Variants in KCNIP2 observed in about 807,000 individuals in gnomAD.
KCNIP2 encodes A-type potassium channel modulatory protein KCNIP2.
In KCNIP2, 19 loss-of-function variants were observed where a neutral mutation model predicts 39.0. The ratio of observed to expected loss-of-function variants is 0.49; its 90% CI spans 0.34 to 0.71. The LOEUF is 0.71. Among genes scored for constraint, KCNIP2 ranks in the 30% least tolerant of loss-of-function variants. The pLI is 0.01. For missense variants in KCNIP2, 261 were observed against 346.0 expected, an observed-to-expected ratio of 0.75 and a Z score of 1.95; for synonymous variants, 111 against 131.2, an observed-to-expected ratio of 0.85 and a Z score of 1.05.
In KCNIP2 at chr10:101,828,422, A is replaced by T. The variant is rs763269682; in HGVS notation, c.456T>A (p.Phe152Leu). The T allele has an allele frequency of 4.3e-6, 7 of 1,614,042 alleles. No individual in the cohort carries two copies. The highest frequency in any genetic ancestry group is 1.3e-5 in the African/African-American group (1 of 74,924). Residue 152 changes from phenylalanine (F) to leucine (L), a missense_variant, in exon 6 of 10, where the codon TTT (phenylalanine) becomes TTA (leucine). Phe to Leu is a conservative substitution (Grantham distance 22). Coordinates refer to ENST00000356640, the MANE Select transcript of KCNIP2 (RefSeq NM_173191.3). This position sits in a 1 kb window ranked among gnomAD's most constrained non-coding sequence, Gnocchi z 6.6. ...STYATFLFNA[F>L]DTNHDGSVSF... ...TGACCGAGCCATCATGGTTGGTGTC[A>T]AAGGCATTGAAGAGAAAAGTGGCAT...
At chr10:101,832,062 C>G (rs2066007406) in intron 1 of KCNIP2, among the ~76,000 whole-genome samples, 1 of 152,226 alleles carries the variant, frequency 6.6e-6, no homozygotes, top group Non-Finnish European at 1.5e-5. Context: ...TCCTCATCAG[C>G]TAACTCATCT....
chr10:101,843,772 G>A lies in KCNIP2; in HGVS notation c.-204C>T. 2.7e-6 allele frequency: 1 copy of A among 375,322 alleles called. No individual in the cohort carries two copies. 23.2% of individuals were successfully genotyped at this position (375,322 alleles called of 1,614,324 possible). A position where few individuals can be genotyped will look rare whatever the true frequency, so the allele number is the denominator to read the frequency against. ...GGAGAGGGAACACTAGGCAGCAGGT[G>A]AGCGCAGAGCCGGAGGCAGAGCGGA... On this transcript the variant is annotated 5_prime_UTR_variant, in exon 1 of 10. Coordinates refer to ENST00000356640, the MANE Select transcript of KCNIP2 (RefSeq NM_173191.3). This position sits in a 1 kb window ranked among gnomAD's most constrained non-coding sequence, Gnocchi z 6.7.
At chr10:101,836,935 T>C (rs2066179831) in intron 1 of KCNIP2, among the ~76,000 whole-genome samples, 1 of 151,672 alleles carries the variant, frequency 6.6e-6, no homozygotes, top group African/African-American at 2.4e-5. Context: ...CACTCCAGCC[T>C]GAGCAACAGA....
At chr10:101,827,618 A>C (rs778052779) in intron 9 of KCNIP2, 71 bp downstream of exon 9, 3 of 1,549,132 alleles carry the variant, frequency 1.9e-6, no homozygotes, top group Non-Finnish European at 2.7e-6. Context: ...CTTCCCAAAG[A>C]AGCTTTTCCC....
chr10:101,839,989 T>G, intron 1 of KCNIP2: 1 of 419,652 alleles, frequency 2.4e-6, no homozygotes, highest in Non-Finnish European at 3.7e-6. Flanking sequence ...TCCCATGTTC[T>G]CCTGGCCGCA....
intron 1 of KCNIP2, among the ~76,000 whole-genome samples, chr10:101,833,027 T>C (rs2066046161): frequency 6.8e-6 from 1 of 147,566 alleles, no homozygotes; most frequent in African/African-American, 2.5e-5. Context: ...GGATGGAGGG[T>C]GAGCTAGGAG....
At chr10:101,832,645 G>A (rs2066034195) in intron 1 of KCNIP2, among the ~76,000 whole-genome samples, 1 of 152,092 alleles carries the variant, frequency 6.6e-6, no homozygotes, top group Non-Finnish European at 1.5e-5. Context: ...GGGATCGATG[G>A]CATTCCTGGC....
At chr10:101,837,918 C>G (rs1414272511) in intron 1 of KCNIP2, among the ~76,000 whole-genome samples, 1 of 152,250 alleles carries the variant, frequency 6.6e-6, no homozygotes, top group Non-Finnish European at 1.5e-5. Flanking sequence ...CTACTGATAA[C>G]TTGCAGCCAG....
At chr10:101,832,357 G>A (rs2066025322) in intron 1 of KCNIP2, among the ~76,000 whole-genome samples, 2 of 148,128 alleles carry the variant, frequency 1.4e-5, no homozygotes, top group Admixed American at 1.3e-4. Flanking sequence ...TCTCCCAGCT[G>A]CACTGCATCC....
chr10:101,839,500 C>T (rs2135201587), intron 1 of KCNIP2, among the ~76,000 whole-genome samples: 1 of 152,290 alleles, frequency 6.6e-6, no homozygotes, highest in Admixed American at 6.5e-5. Flanking sequence ...CCCGCCCCCT[C>T]CACCATTGTG....
chr10:101,828,184 A>G lies in KCNIP2; in HGVS notation c.564T>C (p.Tyr188=), dbSNP rs1188505626. 3 of 1,614,064 alleles carry G rather than the reference A, an allele frequency of 1.9e-6. No homozygotes were observed. The South Asian group carries it at 3.3e-5, about 18-fold the overall frequency. The part of the protein sequence containing the change: ...DDRLNWAFNL[Y]DLNKDGCITK... ...TGATGCAGCCGTCCTTGTTAAGGTC[A>G]TACAGGTTGAAGGCCCAATTAAGCC... Residue 188 remains tyrosine, a synonymous_variant, in exon 7 of 10, where the codon TAT becomes TAC. Transcript: ENST00000356640. The surrounding 1 kb of genome is among the most constrained non-coding windows in gnomAD (Gnocchi z 6.6).
intron 1 of KCNIP2, among the ~76,000 whole-genome samples, chr10:101,842,781 G>A (rs1020378000): frequency 2.0e-5 from 3 of 152,264 alleles, no homozygotes; most frequent in South Asian, 2.1e-4. Context: ...GATGAGACAC[G>A]TCATAGACAC....
chr10:101,841,860 G>C (rs533422365), intron 1 of KCNIP2, among the ~76,000 whole-genome samples: 2 of 152,322 alleles, frequency 1.3e-5, no homozygotes, highest in East Asian at 3.9e-4. Context: ...AAGGCCCCTA[G>C]GCCCTTACTA....
chr10:101,827,493 G>A (rs2065780681), intron 9 of KCNIP2, 93 bp from the exon 10 acceptor site: 17 of 1,427,306 alleles, frequency 1.2e-5, no homozygotes, highest in Non-Finnish European at 1.5e-5. Context: ...CACAGACGGG[G>A]ACATTCAAAA....
chr10:101,840,992 G>A (rs1379834591), intron 1 of KCNIP2, among the ~76,000 whole-genome samples: 1 of 152,362 alleles, frequency 6.6e-6, no homozygotes, highest in African/African-American at 2.4e-5. Context: ...AGACAGGGCC[G>A]CTGCTAAACG....
At chr10:101,829,947 A>G in intron 2 of KCNIP2, 50 bp from the exon 3 acceptor site, 1 of 1,538,898 alleles carries the variant, frequency 6.5e-7, no homozygotes, top group Non-Finnish European at 8.8e-7. Flanking sequence ...GGCCAACTGC[A>G]GACACACACC....
At chr10:101,839,904 C>G (rs1056598995) in intron 1 of KCNIP2, 18 of 1,498,554 alleles carry the variant, frequency 1.2e-5, no homozygotes, top group African/African-American at 1.5e-5. Flanking sequence ...CGGTCTCCGC[C>G]CTCACCCGGG....
At chr10:101,840,504 C>T (rs2066297020) in intron 1 of KCNIP2, among the ~76,000 whole-genome samples, 1 of 150,772 alleles carries the variant, frequency 6.6e-6, no homozygotes, top group Admixed American at 6.6e-5. Flanking sequence ...CAGACTACCA[C>T]CATACGCTGG....
chr10:101,827,242 C>CTACCCACT lies in KCNIP2; in HGVS notation c.*110_*111insAGTGGGTA. 2.8e-6 allele frequency: 4 copies of CTACCCACT among 1,421,970 alleles called. No individual in the cohort carries two copies. Among genetic ancestry groups the CTACCCACT allele is most frequent in the Admixed American group, 4.7e-5 (2 of 42,304 alleles). 88.1% of individuals were successfully genotyped at this position (1,421,970 alleles called of 1,614,324 possible). A position where few individuals can be genotyped will look rare whatever the true frequency, so the allele number is the denominator to read the frequency against. On this transcript the variant is annotated 3_prime_UTR_variant, in exon 10 of 10. Coordinates refer to ENST00000356640, the MANE Select transcript of KCNIP2 (RefSeq NM_173191.3). ...CCCCAAGCTCTTGGATCCCTCCAGC[C>CTACCCACT]CCCAGGGAGGCGTAGGATGAGGATA... is the stretch of plus-strand genomic sequence containing the variant.
Sources: allele counts gnomAD v4.1 joint callset (sites outside exome capture counted in the v4.1 genomes callset), GRCh38; gene constraint gnomAD v4.1.1; non-coding constraint Gnocchi (gnomAD v3.1); transcripts MANE v1.5; gene names NCBI Gene and HGNC (gene_info 2026-07-23, HGNC 2026-07-21).